STK39: variants seen among roughly 807,000 people sequenced by gnomAD.
The protein encoded by STK39 is serine/threonine kinase 39.
Under a neutral mutation model 77.8 loss-of-function variants are expected in STK39, and 20 were observed. The observed-to-expected ratio is 0.26, with a 90% CI of 0.18 to 0.37. The LOEUF (loss-of-function observed/expected upper bound fraction) is 0.37, where lower values mean the gene tolerates loss of function less well. STK39 is among the 10% of genes least tolerant of loss of function. The pLI is 1.00. For missense variants in STK39, 479 were observed against 656.5 expected, an observed-to-expected ratio of 0.73 and a Z score of 2.95; for synonymous variants, 246 against 234.1, an observed-to-expected ratio of 1.05 and a Z score of -0.47.
At chr2:168,134,603 A>G (rs377493584) in intron 8 of STK39, among the ~76,000 whole-genome samples, 4 of 152,296 alleles carry the variant, frequency 2.6e-5, no homozygotes, top group Admixed American at 6.5e-5. Context: ...TTTTTAAGGA[A>G]TAGCAAGATG....
At chr2:168,207,424 T>C (rs1282061714) in intron 1 of STK39, among the ~76,000 whole-genome samples, 2 of 152,214 alleles carry the variant, frequency 1.3e-5, no homozygotes, top group Non-Finnish European at 2.9e-5. Flanking sequence ...ATGTCTCATT[T>C]TGACTCAATT....
At chr2:168,138,243 A>G (rs1372449403) in intron 7 of STK39, 22 bp from the exon 8 acceptor site, 1 of 1,605,084 alleles carries the variant, frequency 6.2e-7, no homozygotes, top group African/African-American at 1.3e-5. Context: ...ACAAACATGA[A>G]GACAGAATCT....
chr2:168,121,075 T>C (rs978609666), intron 10 of STK39, among the ~76,000 whole-genome samples: 3 of 152,218 alleles, frequency 2.0e-5, no homozygotes, highest in African/African-American at 7.2e-5. Context: ...CATTTTCCTG[T>C]GTACACCACT....
chr2:168,133,146 G>A (rs1470435758), intron 8 of STK39, among the ~76,000 whole-genome samples: 2 of 152,218 alleles, frequency 1.3e-5, no homozygotes, highest in African/African-American at 2.4e-5. Flanking sequence ...AGGGTCAAGT[G>A]TAGGATGCTG....
At chr2:168,048,216 C>CT (rs1335296463) in intron 14 of STK39, among the ~76,000 whole-genome samples, 1,491 of 139,278 alleles carry the variant, frequency 0.011, 12 homozygotes, top group African/African-American at 0.02. Flanking sequence ...TTGGCCTATG[C>CT]TTTTTTTTTT....
chr2:168,212,487 C>T (rs543441172), intron 1 of STK39, among the ~76,000 whole-genome samples: 71 of 152,328 alleles, frequency 4.7e-4, no homozygotes, highest in South Asian at 4.1e-3. Context: ...CTCAACCTCT[C>T]TGAGCCATGT....
chr2:168,043,446 A>G (rs1685159882), intron 14 of STK39, among the ~76,000 whole-genome samples: 1 of 152,222 alleles, frequency 6.6e-6, no homozygotes, highest in Non-Finnish European at 1.5e-5. Flanking sequence ...AAAGGCAAAC[A>G]AACAACCCCC....
intron 14 of STK39, among the ~76,000 whole-genome samples, chr2:168,031,404 A>G (rs1016223734): frequency 1.3e-5 from 2 of 152,272 alleles, no homozygotes; most frequent in East Asian, 1.9e-4. Flanking sequence ...TGTTCTGCCC[A>G]CACAACTCTT....
chr2:168,086,861 A>G (rs919519222), intron 10 of STK39, among the ~76,000 whole-genome samples: 4 of 152,190 alleles, frequency 2.6e-5, no homozygotes, highest in Admixed American at 2.6e-4. Context: ...AAGCACAGAG[A>G]AGCAATTAGA....
chr2:167,981,231 T>C (rs1232255184), intron 16 of STK39, among the ~76,000 whole-genome samples: 1 of 152,244 alleles, frequency 6.6e-6, no homozygotes, highest in Non-Finnish European at 1.5e-5. Context: ...CAACCATTGC[T>C]TCCTTCATTG....
At chr2:168,135,843 A>G (rs886093229) in intron 8 of STK39, among the ~76,000 whole-genome samples, 7 of 152,230 alleles carry the variant, frequency 4.6e-5, no homozygotes, top group Admixed American at 4.6e-4. Flanking sequence ...CAATAGTGAG[A>G]ACAAATTAAG....
chr2:168,223,239 G>A (rs1690219607), intron 1 of STK39, among the ~76,000 whole-genome samples: 1 of 152,138 alleles, frequency 6.6e-6, no homozygotes, highest in Non-Finnish European at 1.5e-5. Flanking sequence ...GCCAGGCGCA[G>A]TGGCTCATGC....
intron 16 of STK39, among the ~76,000 whole-genome samples, chr2:167,993,361 T>C (rs548984973): frequency 6.6e-6 from 1 of 152,228 alleles, no homozygotes; most frequent in South Asian, 2.1e-4. Flanking sequence ...TGCTCCTTAT[T>C]AAGAATCACT....
At chr2:168,105,831 C>T (rs1056028597) in intron 10 of STK39, among the ~76,000 whole-genome samples, 26 of 152,112 alleles carry the variant, frequency 1.7e-4, no homozygotes, top group African/African-American at 3.1e-4. Flanking sequence ...ATATTTATTC[C>T]AGAACTTCAC....
chr2:168,156,292 T>A (rs1688426237), intron 5 of STK39, among the ~76,000 whole-genome samples: 1 of 152,182 alleles, frequency 6.6e-6, no homozygotes, highest in East Asian at 1.9e-4. Flanking sequence ...AGAAAGCACT[T>A]GCAGACATGA....
At chr2:168,018,407 G>A (rs2105321580) in intron 14 of STK39, among the ~76,000 whole-genome samples, 1 of 151,998 alleles carries the variant, frequency 6.6e-6, no homozygotes, top group Non-Finnish European at 1.5e-5. Flanking sequence ...GGCTGAGGCA[G>A]GAGAACTGGA....
chr2:168,046,930 C>T (rs1232474967), intron 14 of STK39, among the ~76,000 whole-genome samples: 1 of 151,850 alleles, frequency 6.6e-6, no homozygotes, highest in Non-Finnish European at 1.5e-5. Flanking sequence ...TCTTTAAAGG[C>T]AGTAACTAAA....
intron 16 of STK39, among the ~76,000 whole-genome samples, chr2:167,976,888 T>C (rs1240668039): frequency 2.0e-5 from 3 of 152,208 alleles, no homozygotes; most frequent in Non-Finnish European, 4.4e-5. Flanking sequence ...TTTTTTTTAC[T>C]GCAATGCTGT....
intron 10 of STK39, among the ~76,000 whole-genome samples, chr2:168,093,973 G>A (rs1295869294): frequency 6.6e-6 from 1 of 152,108 alleles, no homozygotes; most frequent in Non-Finnish European, 1.5e-5. Flanking sequence ...GCAAGTACTT[G>A]CCCATGCTGG....
Sources: allele counts gnomAD v4.1 joint callset (sites outside exome capture counted in the v4.1 genomes callset), GRCh38; gene constraint gnomAD v4.1.1; transcripts MANE v1.5; gene names NCBI Gene and HGNC (gene_info 2026-07-23, HGNC 2026-07-21).